DPH6: variants seen among roughly 807,000 people sequenced by gnomAD.
DPH6 encodes diphthamine biosynthesis 6.
Under a neutral mutation model 38.2 loss-of-function variants are expected in DPH6, and 33 were observed. The ratio of observed to expected loss-of-function variants is 0.86; its 90% confidence interval spans 0.65 to 1.15. The LOEUF is 1.15. Ranked by LOEUF, DPH6 falls within the 50% of genes most tolerant of loss-of-function variation. The pLI, the probability that DPH6 is intolerant of heterozygous loss-of-function variation, is 0.00. For missense variants in DPH6, 325 were observed against 320.0 expected (o/e 1.02, Z -0.12); for synonymous variants, 108 against 103.0 (o/e 1.05, Z -0.30).
At chr15:35,520,841 A>C in intron 3 of DPH6, 1 of 985,076 alleles carries the variant, frequency 1.0e-6, no homozygotes, top group Non-Finnish European at 1.2e-6. Context: ...TACAGGTACC[A>C]TAATAAAACT....
intron 3 of DPH6, chr15:35,520,869 A>G (rs2054913860): frequency 1.0e-6 from 1 of 985,226 alleles, no homozygotes; most frequent in Non-Finnish European, 1.2e-6. Context: ...CTAATAAAGG[A>G]ACCCAAATTC....
At chr15:35,468,431 T>C (rs1283664194) in intron 3 of DPH6, among the ~76,000 whole-genome samples, 1 of 152,174 alleles carries the variant, frequency 6.6e-6, no homozygotes, top group Non-Finnish European at 1.5e-5. Context: ...GCTTCTTCCA[T>C]GTTCTTAAGC....
chr15:35,403,839 T>G (rs2053254474), intron 6 of DPH6, among the ~76,000 whole-genome samples: 1 of 150,368 alleles, frequency 6.7e-6, no homozygotes, highest in Non-Finnish European at 1.5e-5. Context: ...TTTTTTTTTG[T>G]ACCCATTAAC....
chr15:35,240,559 A>G (rs554579623), intron 3 of DPH6, among the ~76,000 whole-genome samples: 5,194 of 141,802 alleles, frequency 0.037, 778 homozygotes, highest in African/African-American at 0.13. Context: ...TTACAGTTTC[A>G]TTCTGTGACT....
downstream of DPH6, among the ~76,000 whole-genome samples, chr15:35,212,655 A>G (rs141655248): frequency 9.8e-5 from 15 of 152,336 alleles, no homozygotes; most frequent in African/African-American, 3.6e-4. Flanking sequence ...AATTATAAAG[A>G]CAACTGAAAT....
At chr15:35,538,909 C>A (rs1272091793) in intron 2 of DPH6, among the ~76,000 whole-genome samples, 8 of 151,876 alleles carry the variant, frequency 5.3e-5, no homozygotes, top group South Asian at 2.1e-4. Context: ...TAATAAGAGA[C>A]AAATAGTGGT....
chr15:35,276,410 T>C (rs2051859345), intron 3 of DPH6, among the ~76,000 whole-genome samples: 1 of 152,258 alleles, frequency 6.6e-6, no homozygotes, highest in Non-Finnish European at 1.5e-5. Context: ...GACTGTTCCT[T>C]TTGCCATGCA....
intron 3 of DPH6, among the ~76,000 whole-genome samples, chr15:35,263,398 C>CTTTT (rs757916530): frequency 6.1e-5 from 6 of 98,998 alleles, no homozygotes; most frequent in East Asian, 3.1e-4. Flanking sequence ...CATAATTAAT[C>CTTTT]TTTTTTTTTT....
chr15:35,334,803 T>C (rs1256738435), intron 3 of DPH6, among the ~76,000 whole-genome samples: 1 of 152,126 alleles, frequency 6.6e-6, no homozygotes, highest in Non-Finnish European at 1.5e-5. Context: ...TATCCAGTCT[T>C]TCACTGATGG....
the DPH6 span, among the ~76,000 whole-genome samples, chr15:35,149,846 C>T: frequency 6.6e-6 from 1 of 152,236 alleles, no homozygotes; most frequent in Non-Finnish European, 1.5e-5. Context: ...TTAGATTCAA[C>T]TGTTCACAGG....
chr15:35,237,091 G>A (rs2051557901), intron 3 of DPH6: 1 of 544,502 alleles, frequency 1.8e-6, no homozygotes, highest in African/African-American at 1.9e-5. Context: ...TTTTGCTTAG[G>A]TATTGGGTTT....
Position 35,526,248 on chromosome 15 carries a change from G to T in DPH6, c.312+12026C>A, listed in dbSNP as rs76998893. Among the ~76,000 whole-genome samples, 500 of 152,240 alleles carry T rather than the reference G, an allele frequency of 3.3e-3. 4 individuals are homozygous for T. The highest frequency in any genetic ancestry group is 0.012 in the African/African-American group (487 of 41,546). ...AGAACTGGTCTTAAAATAGACCATG[G>T]GGCATTTCAATGGCTCCAAAACCAA... On this transcript the variant is annotated intron_variant, in intron 3 of 8. Coordinates refer to ENST00000256538, the MANE Select transcript of DPH6 (RefSeq NM_080650.4).
At position 35,371,832 on chromosome 15, in the gene DPH6, G is replaced by T; in HGVS notation, c.*318C>A. 16 of 1,034,108 alleles carry T rather than the reference G, an allele frequency of 1.5e-5. No homozygotes were observed. Among genetic ancestry groups the T allele is most frequent in the Non-Finnish European group, 1.9e-5 (16 of 862,366 alleles). The allele number at this position is 1,034,108 out of a possible 1,614,324, so 64.1% of individuals were successfully genotyped here. On this transcript the variant is annotated 3_prime_UTR_variant, in exon 9 of 9. Coordinates refer to ENST00000256538, the MANE Select transcript of DPH6 (RefSeq NM_080650.4). ...AGCAAGAAAGAGAGAAGGAGGAAAA[G>T]AAACTAGTGTGATAAAAAAAGAAAT...
intron 3 of DPH6, among the ~76,000 whole-genome samples, chr15:35,335,247 G>T (rs534623762): frequency 6.6e-6 from 1 of 151,826 alleles, no homozygotes; most frequent in Admixed American, 6.6e-5. Flanking sequence ...TTTTAATGGG[G>T]TTATTTCCTG....
chr15:35,400,388 T>C lies in DPH6; in HGVS notation c.567+10447A>G, dbSNP rs369346463. Among the ~76,000 whole-genome samples the C allele has an allele frequency of 2.8e-4, 43 of 152,070 alleles. 1 individual carries two copies. The highest frequency in any genetic ancestry group is 1.7e-3 in the East Asian group (9 of 5,162). On this transcript the variant is annotated intron_variant, in intron 6 of 8. Transcript: ENST00000256538. ...GATGGAAGGAGGGAAAGAGAACATATATGTAATGGAGGGAAAGGGAGTAAA... is the reference window on the plus strand; with the variant it reads ...GATGGAAGGAGGGAAAGAGAACATACATGTAATGGAGGGAAAGGGAGTAAA...
intron 3 of DPH6, among the ~76,000 whole-genome samples, chr15:35,356,864 A>C (rs532225889): frequency 2.0e-5 from 3 of 152,288 alleles, no homozygotes; most frequent in South Asian, 2.1e-4. Flanking sequence ...TTGTTTGGCT[A>C]TGCCCTGCCC....
intron 7 of DPH6, among the ~76,000 whole-genome samples, chr15:35,381,038 TTG>T (rs2052857863): frequency 6.6e-6 from 1 of 152,148 alleles, no homozygotes; most frequent in Non-Finnish European, 1.5e-5. Flanking sequence ...CCTAGAGTTG[TTG>T]TCTTAATTTT....
intron 5 of DPH6, among the ~76,000 whole-genome samples, chr15:35,415,264 G>GTTA (rs1555399993): frequency 9.2e-5 from 14 of 151,874 alleles, no homozygotes; most frequent in African/African-American, 3.4e-4. Context: ...GTGTGTGTGT[G>GTTA]TAACAACACA....
intron 3 of DPH6, among the ~76,000 whole-genome samples, chr15:35,529,828 CT>C (rs201902712): frequency 0.015 from 2,301 of 152,164 alleles, 51 homozygotes; most frequent in African/African-American, 0.053. Flanking sequence ...TTCAACTCCT[CT>C]TTATTCACTC....
Sources: gnomAD v4.1 joint callset for allele counts (sites outside exome capture counted in the v4.1 genomes callset) on GRCh38, gnomAD v4.1.1 for gene constraint, MANE v1.5 for transcripts, NCBI Gene and HGNC (gene_info 2026-07-23, HGNC 2026-07-21) for gene names.